Variants in SLC35F1 observed in about 807,000 individuals in gnomAD.
The protein encoded by SLC35F1 is chromosome 6 open reading frame 169.
In SLC35F1, 14 loss-of-function variants were observed where a neutral mutation model predicts 48.7. That is an observed-to-expected ratio of 0.29 (90% CI 0.19 to 0.45). The LOEUF (loss-of-function observed/expected upper bound fraction) is 0.45. Ranked by LOEUF, SLC35F1 falls within the 20% of genes least tolerant of loss-of-function variation. SLC35F1 has a pLI of 1.00. For synonymous variants in SLC35F1, 190 were observed against 202.2 expected (o/e 0.94, Z 0.51); for missense variants, 404 against 500.0 (o/e 0.81, Z 1.83).
At chr6:117,982,560 A>C (rs1562254852) in intron 1 of SLC35F1, among the ~76,000 whole-genome samples, 1 of 152,236 alleles carries the variant, frequency 6.6e-6, no homozygotes, top group Non-Finnish European at 1.5e-5. Context: ...ATAATGTGGG[A>C]TGATGAGTTG....
At chr6:118,001,497 C>G (rs550333888) in intron 1 of SLC35F1, among the ~76,000 whole-genome samples, 7 of 152,238 alleles carry the variant, frequency 4.6e-5, no homozygotes, top group Admixed American at 4.6e-4. Context: ...CATAAAAATC[C>G]TAGAAGAAAA....
At chr6:118,285,998 G>T (rs4945619) in intron 7 of SLC35F1, among the ~76,000 whole-genome samples, 3,740 of 152,124 alleles carry the variant, frequency 0.025, 74 homozygotes, top group Middle Eastern at 0.071. Flanking sequence ...ATTGATTATG[G>T]CACACTGAGG....
At chr6:117,955,148 A>G in intron 1 of SLC35F1, among the ~76,000 whole-genome samples, 1 of 152,178 alleles carries the variant, frequency 6.6e-6, no homozygotes. Context: ...CATGACATTT[A>G]TGCAACTTCA....
chr6:118,158,399 T>C (rs1230114794), intron 2 of SLC35F1, among the ~76,000 whole-genome samples: 2 of 152,210 alleles, frequency 1.3e-5, no homozygotes, highest in Non-Finnish European at 2.9e-5. Flanking sequence ...GTGTGGTGTG[T>C]GCAAGGGAGA....
chr6:118,129,449 TG>T (rs1773677879), intron 1 of SLC35F1, among the ~76,000 whole-genome samples: 1 of 152,090 alleles, frequency 6.6e-6, no homozygotes, highest in African/African-American at 2.4e-5. Context: ...AGGAGTTACT[TG>T]GGGTGATTTG....
chr6:118,092,385 A>T (rs1773087404), intron 1 of SLC35F1, among the ~76,000 whole-genome samples: 1 of 152,228 alleles, frequency 6.6e-6, no homozygotes, highest in Non-Finnish European at 1.5e-5. Flanking sequence ...CAGAGGATGT[A>T]TGGAAATGTC....
rs1426210558 is a variant in SLC35F1 at position 118,317,381 on chromosome 6, T to C, written c.*3129T>C. 6.6e-6 allele frequency: 1 copy of C among 152,210 alleles called. No individual in the cohort carries two copies. The highest frequency in any genetic ancestry group is 1.5e-5 in the Non-Finnish European group (1 of 68,028). The allele number at this position is 152,210 out of a possible 1,614,324, so 9.4% of individuals were successfully genotyped here. On this transcript the variant is annotated 3_prime_UTR_variant, in exon 8 of 8. Transcript: ENST00000360388. ...TGTGCTATTAACCTTTTGACAAGCG[T>C]GTAGTATTGTTTGTTTTGGGTTTCT...
chr6:118,047,867 C>T (rs1180431132), intron 1 of SLC35F1, among the ~76,000 whole-genome samples: 2 of 152,046 alleles, frequency 1.3e-5, no homozygotes, highest in African/African-American at 4.8e-5. Context: ...ATTGAATACC[C>T]TTTATTTCCT....
chr6:118,061,398 T>C (rs1302163201), intron 1 of SLC35F1, among the ~76,000 whole-genome samples: 2 of 152,216 alleles, frequency 1.3e-5, no homozygotes, highest in East Asian at 3.8e-4. Flanking sequence ...CTTTTCTTGA[T>C]GGATTTTTCT....
chr6:118,068,983 C>T (rs1772659648), intron 1 of SLC35F1, among the ~76,000 whole-genome samples: 1 of 151,826 alleles, frequency 6.6e-6, no homozygotes, highest in Non-Finnish European at 1.5e-5. Context: ...ATAATATGTG[C>T]CAAAAGTCAT....
At chr6:118,170,340 G>A (rs1774384502) in intron 2 of SLC35F1, among the ~76,000 whole-genome samples, 1 of 152,208 alleles carries the variant, frequency 6.6e-6, no homozygotes, top group Non-Finnish European at 1.5e-5. Flanking sequence ...ATGCTAATAT[G>A]TCCACTTGCT....
At chr6:118,212,685 AAAAGAAAGAAAGAAGG>A (rs1304083552) in intron 2 of SLC35F1, among the ~76,000 whole-genome samples, 2 of 145,264 alleles carry the variant, frequency 1.4e-5, no homozygotes, top group African/African-American at 5.3e-5. Context: ...GAAAAGAAAG[AAAAGAAAGAAAGAAGG>A]AAAGAAGGAA....
At chr6:117,935,567 T>C (rs1776153735) in intron 1 of SLC35F1, among the ~76,000 whole-genome samples, 1 of 152,214 alleles carries the variant, frequency 6.6e-6, no homozygotes, top group Non-Finnish European at 1.5e-5. Flanking sequence ...CTAATATATG[T>C]ATTTTCTCCT....
chr6:118,040,877 A>ACAC (rs1772207380), intron 1 of SLC35F1, among the ~76,000 whole-genome samples: 1 of 148,874 alleles, frequency 6.7e-6, no homozygotes. Flanking sequence ...TAAACTTTAG[A>ACAC]CACAATTGTA....
chr6:117,931,897 A>G (rs1285158745), intron 1 of SLC35F1, among the ~76,000 whole-genome samples: 2 of 152,214 alleles, frequency 1.3e-5, no homozygotes, highest in Admixed American at 6.5e-5. Flanking sequence ...GTTTTTTGCT[A>G]TAGTTGCCTA....
intron 1 of SLC35F1, among the ~76,000 whole-genome samples, chr6:118,019,584 T>C (rs989058898): frequency 1.3e-5 from 2 of 151,970 alleles, no homozygotes; most frequent in Non-Finnish European, 2.9e-5. Flanking sequence ...ATCACGCTAC[T>C]GCACTCCAGC....
chr6:117,967,233 C>T (rs1336969742), intron 1 of SLC35F1, among the ~76,000 whole-genome samples: 2 of 151,408 alleles, frequency 1.3e-5, no homozygotes, highest in African/African-American at 4.9e-5. Flanking sequence ...AAATTAACTA[C>T]AAAGCATGGG....
rs2114551115 is a variant in SLC35F1, at chr6:118,212,774, GGA to G, written c.350-22734_350-22733del. ...AGGAAGGAAGGAAGGAAGGAAGGAA[GGA>G]AGGAAGGAAGGAAGGAAAGAAGGAA... On this transcript the variant is annotated intron_variant, in intron 2 of 7. Transcript: ENST00000360388. Among the ~76,000 whole-genome samples the G allele has an allele frequency of 2.3e-5, 3 of 131,344 alleles. No homozygotes were observed. In the East Asian group the frequency reaches 6.1e-4, roughly 27 times the overall value. 86.2% of individuals were successfully genotyped at this position (131,344 alleles called of 152,430 possible). A position where few individuals can be genotyped will look rare whatever the true frequency, so the allele number is the denominator to read the frequency against.
intron 1 of SLC35F1, among the ~76,000 whole-genome samples, chr6:118,047,475 T>A (rs1421820952): frequency 6.6e-6 from 1 of 152,158 alleles, no homozygotes; most frequent in Non-Finnish European, 1.5e-5. Flanking sequence ...GAACTTTTTT[T>A]AGTCAGCTTT....
Sources: gnomAD v4.1 joint callset for allele counts (sites outside exome capture counted in the v4.1 genomes callset) on GRCh38, gnomAD v4.1.1 for gene constraint, MANE v1.5 for transcripts, NCBI Gene and HGNC (gene_info 2026-07-23, HGNC 2026-07-21) for gene names.